ELAPOR2: variants seen among roughly 807,000 people sequenced by gnomAD.
The protein encoded by ELAPOR2 is endosome-lysosome associated apoptosis and autophagy regulator family member 2, also known as endosome/lysosome-associated apoptosis and autophagy regulator family member 2.
A neutral mutation model predicts 120.7 loss-of-function variants in ELAPOR2; 89 were observed. The ratio of observed to expected loss-of-function variants is 0.74; its 90% CI spans 0.62 to 0.88. The LOEUF is 0.88. Among genes scored for constraint, ELAPOR2 ranks in the 40% least tolerant of loss-of-function variants. The pLI is 0.00. For missense variants in ELAPOR2, 1,134 were observed against 1,251.6 expected, an observed-to-expected ratio of 0.91 and a Z score of 1.42; for synonymous variants, 444 against 444.9, an observed-to-expected ratio of 1.00 and a Z score of 0.03.
chr7:86,880,529 T>C lies in ELAPOR2; in HGVS notation c.3032A>G (p.Glu1011Gly). The C allele has an allele frequency of 6.3e-7, 1 of 1,591,732 alleles. No individual in the cohort carries two copies. Among genetic ancestry groups the C allele is most frequent in the Non-Finnish European group, 8.6e-7 (1 of 1,160,862 alleles). ...LGKLKSLATK[E>G]KEDHFESVQL... ...AACAGATTCAAAATGGTCTTCTTTT[T>C]CCTAAGAAAAAATATTAAAGACAAA... Residue 1011 changes from glutamate to glycine, a missense_variant and splice_region_variant, in exon 22 of 22, where the codon GAA becomes GGA. Around this residue, in one of 3 missense-constraint regions of ELAPOR2, gnomAD observed 831 missense variants for 867.6 expected, o/e 0.96. Coordinates refer to ENST00000450689, the MANE Select transcript of ELAPOR2 (RefSeq NM_001142749.3).
chr7:86,979,338 G>C (rs1370276639), intron 1 of ELAPOR2, among the ~76,000 whole-genome samples: 1 of 152,150 alleles, frequency 6.6e-6, no homozygotes, highest in Non-Finnish European at 1.5e-5. Flanking sequence ...AAACACTTCT[G>C]AATAACTCCT....
chr7:87,045,665 G>T (rs531500197), intron 1 of ELAPOR2, among the ~76,000 whole-genome samples: 4 of 151,566 alleles, frequency 2.6e-5, no homozygotes, highest in Non-Finnish European at 5.9e-5. Flanking sequence ...GCTAGATGAC[G>T]AGTTAGTGGG....
At chr7:86,943,650 T>C (rs1214111075) in intron 4 of ELAPOR2, among the ~76,000 whole-genome samples, 1 of 152,016 alleles carries the variant, frequency 6.6e-6, no homozygotes, top group Non-Finnish European at 1.5e-5. Context: ...TATTGGGCAA[T>C]ACAAATCTAA....
chr7:86,918,323 C>CAAAAAAA (rs370415220), intron 12 of ELAPOR2, 119 bp downstream of exon 12: 12 of 173,940 alleles, frequency 6.9e-5, no homozygotes, highest in Admixed American at 3.3e-4. Flanking sequence ...CTAAGAATAG[C>CAAAAAAA]AAAAAAAAAA....
chr7:87,016,341 T>C (rs1192797385), intron 1 of ELAPOR2, among the ~76,000 whole-genome samples: 4 of 151,932 alleles, frequency 2.6e-5, no homozygotes, highest in Non-Finnish European at 5.9e-5. Flanking sequence ...TGGACAAGAC[T>C]CCATCTCAAA....
chr7:86,945,841 C>G (rs904429157), intron 3 of ELAPOR2, among the ~76,000 whole-genome samples: 1 of 151,860 alleles, frequency 6.6e-6, no homozygotes, highest in Admixed American at 6.6e-5. Context: ...TTCTGCTTAT[C>G]AAAGGACACT....
At chr7:87,052,561 G>GTTT (rs1390479275) in intron 1 of ELAPOR2, among the ~76,000 whole-genome samples, 6 of 152,234 alleles carry the variant, frequency 3.9e-5, no homozygotes, top group Non-Finnish European at 7.3e-5. Flanking sequence ...CATTTTAGTA[G>GTTT]GTTGTGCACA....
chr7:87,058,465 A>G (rs529846894), intron 1 of ELAPOR2, among the ~76,000 whole-genome samples: 12 of 152,002 alleles, frequency 7.9e-5, no homozygotes, highest in African/African-American at 2.9e-4. Flanking sequence ...AAGAGGATGC[A>G]CTTTCTGAAC....
At chr7:86,983,021 C>A (rs4260835) in intron 1 of ELAPOR2, among the ~76,000 whole-genome samples, 3 of 151,610 alleles carry the variant, frequency 2.0e-5, no homozygotes, top group Admixed American at 6.6e-5. Flanking sequence ...AACCATGGCA[C>A]GAGAATGACG....
At chr7:86,992,975 C>T (rs1393041533) in intron 1 of ELAPOR2, among the ~76,000 whole-genome samples, 1 of 152,104 alleles carries the variant, frequency 6.6e-6, no homozygotes, top group African/African-American at 2.4e-5. Flanking sequence ...TGGTGGATCA[C>T]ACCTATAATC....
At chr7:86,883,115 G>A (rs951357002) in intron 21 of ELAPOR2, among the ~76,000 whole-genome samples, 1 of 151,816 alleles carries the variant, frequency 6.6e-6, no homozygotes, top group African/African-American at 2.4e-5. Context: ...TTGAGAAATT[G>A]TGTCTAATTT....
chr7:86,926,233 C>G (rs1489760253), intron 9 of ELAPOR2, among the ~76,000 whole-genome samples: 1 of 151,988 alleles, frequency 6.6e-6, no homozygotes, highest in Non-Finnish European at 1.5e-5. Context: ...AGAGAAGGGT[C>G]TTTTCCAACC....
chr7:87,058,854 G>C (rs191666377), intron 1 of ELAPOR2, among the ~76,000 whole-genome samples: 2 of 152,236 alleles, frequency 1.3e-5, no homozygotes, highest in Non-Finnish European at 2.9e-5. Flanking sequence ...GAAGCTGAGG[G>C]CAGGGGAGTA....
At chr7:86,965,131 G>T in intron 1 of ELAPOR2, 107 bp from the exon 2 acceptor site, 2 of 1,149,976 alleles carry the variant, frequency 1.7e-6, no homozygotes, top group Non-Finnish European at 2.5e-6. Context: ...CCCTCTCCTT[G>T]ATTCTTATCC....
At chr7:87,022,153 T>G (rs992337838) in intron 1 of ELAPOR2, among the ~76,000 whole-genome samples, 2 of 152,068 alleles carry the variant, frequency 1.3e-5, no homozygotes, top group African/African-American at 4.8e-5. Context: ...TATGTATACA[T>G]GTGCCATGTT....
chr7:86,913,311 C>T (rs1455832876), intron 13 of ELAPOR2, 107 bp from the exon 14 acceptor site: 1 of 1,100,412 alleles, frequency 9.1e-7, no homozygotes, highest in African/African-American at 1.6e-5. Context: ...AGTGTTCCAG[C>T]CTAATAGTTT....
intron 10 of ELAPOR2, among the ~76,000 whole-genome samples, chr7:86,924,553 A>C (rs937578262): frequency 6.6e-6 from 1 of 151,828 alleles, no homozygotes; most frequent in Non-Finnish European, 1.5e-5. Flanking sequence ...AACAGCTATT[A>C]TATCTTATTC....
chr7:86,890,668 A>C (rs1275158288), intron 21 of ELAPOR2, among the ~76,000 whole-genome samples: 1 of 151,990 alleles, frequency 6.6e-6, no homozygotes, highest in Non-Finnish European at 1.5e-5. Context: ...TAGCAGACTC[A>C]CTTGTTAGCT....
chr7:86,993,261 AGAAAAGG>A (rs1793013451), intron 1 of ELAPOR2, among the ~76,000 whole-genome samples: 1 of 150,826 alleles, frequency 6.6e-6, no homozygotes, highest in Non-Finnish European at 1.5e-5. Flanking sequence ...GAAAAAGAAA[AGAAAAGG>A]AAAGAAAAAG....
Sources: gnomAD v4.1 joint callset for allele counts (sites outside exome capture counted in the v4.1 genomes callset) on GRCh38, gnomAD v4.1.1 for gene constraint, gnomAD v4.1.1 regional missense constraint, MANE v1.5 for transcripts, NCBI Gene and HGNC (gene_info 2026-07-23, HGNC 2026-07-21) for gene names.